RNF111: variants seen among roughly 807,000 people sequenced by gnomAD.
RNF111 encodes ring finger protein 111, also known as E3 ubiquitin-protein ligase Arkadia.
Under a neutral mutation model 95.1 loss-of-function variants are expected in RNF111, and 17 were observed. That is an observed-to-expected ratio of 0.18 (90% confidence interval 0.12 to 0.27). The LOEUF (loss-of-function observed/expected upper bound fraction) is 0.27. Among genes scored for constraint, RNF111 ranks in the 10% least tolerant of loss-of-function variants. The probability of loss-of-function intolerance (pLI) is 1.00; values close to 1 mark genes in which losing one functional copy is unlikely to be tolerated. For missense variants in RNF111, 1,189 were observed against 1,210.4 expected (o/e 0.98, Z 0.26); for synonymous variants, 440 against 414.8 (o/e 1.06, Z -0.74).
chr15:59,044,028 CT>C (rs1301004314), intron 2 of RNF111, among the ~76,000 whole-genome samples: 2 of 151,460 alleles, frequency 1.3e-5, no homozygotes, highest in Admixed American at 6.6e-5. Context: ...TGGAAACTGT[CT>C]TTTTTTTTCT....
intron 1 of RNF111, among the ~76,000 whole-genome samples, chr15:58,998,244 GTTTTT>G (rs78720477): frequency 2.1e-5 from 3 of 142,292 alleles, no homozygotes; most frequent in Non-Finnish European, 4.6e-5. Flanking sequence ...AAAATGGGAA[GTTTTT>G]TTTTTTTTTT....
intron 1 of RNF111, among the ~76,000 whole-genome samples, chr15:59,018,198 T>C (rs1482346814): frequency 6.6e-6 from 1 of 152,234 alleles, no homozygotes; most frequent in Non-Finnish European, 1.5e-5. Flanking sequence ...TAAAGATGGG[T>C]TCAAAAACAA....
intron 6 of RNF111, among the ~76,000 whole-genome samples, chr15:59,070,607 C>CTTG (rs1317864936): frequency 1.3e-5 from 2 of 152,322 alleles, no homozygotes; most frequent in Admixed American, 6.5e-5. Context: ...CAGACATATA[C>CTTG]TTGATTGTAC....
At chr15:59,018,097 A>G (rs564138902) in intron 1 of RNF111, among the ~76,000 whole-genome samples, 2 of 152,294 alleles carry the variant, frequency 1.3e-5, no homozygotes, top group East Asian at 3.9e-4. Flanking sequence ...CCATTAATGC[A>G]GCAATCATAA....
chr15:59,030,285 A>T (rs1423440124), intron 1 of RNF111, among the ~76,000 whole-genome samples: 1 of 152,212 alleles, frequency 6.6e-6, no homozygotes, highest in East Asian at 1.9e-4. Context: ...AAGGAAAAAA[A>T]ATAGAAAAGA....
intron 3 of RNF111, 137 bp downstream of exon 3, chr15:59,052,568 G>A: frequency 2.5e-6 from 1 of 407,366 alleles, no homozygotes; most frequent in Non-Finnish European, 4.0e-6. Context: ...CAGATTAGTG[G>A]ATTTTTTTTT....
At chr15:59,075,404 T>C (rs1325853689) in intron 6 of RNF111, among the ~76,000 whole-genome samples, 3 of 152,254 alleles carry the variant, frequency 2.0e-5, no homozygotes, top group Non-Finnish European at 4.4e-5. Flanking sequence ...AATTCATGAT[T>C]TAGTCTGAAA....
Position 59,013,822 on chromosome 15 carries a change from T to C in RNF111, c.-19-16982T>C, listed in dbSNP as rs567792556. The stretch of plus-strand genomic sequence containing the variant: ...TTTTTTTTGGAGACAAGAGTCTCAC[T>C]CTGTTGCCCAGGCTGGAGTATAGTG... On this transcript the variant is annotated intron_variant, in intron 1 of 13. Coordinates refer to ENST00000348370, the MANE Select transcript of RNF111 (RefSeq NM_017610.8). Among the ~76,000 whole-genome samples, 12 of 152,220 alleles carry C rather than the reference T, an allele frequency of 7.9e-5. No individual in the cohort carries two copies. The South Asian group carries it at 2.3e-3, about 29-fold the overall frequency.
chr15:59,052,657 CCTGT>C (rs1208824752), intron 3 of RNF111, among the ~76,000 whole-genome samples: 2 of 142,998 alleles, frequency 1.4e-5, no homozygotes, highest in Non-Finnish European at 3.0e-5. Context: ...AAGTGATTCT[CCTGT>C]CTCATTCTCC....
intron 2 of RNF111, 68 bp from the exon 3 acceptor site, chr15:59,052,232 CAAAAT>C: frequency 7.5e-7 from 1 of 1,334,060 alleles, no homozygotes; most frequent in South Asian, 2.0e-5. Flanking sequence ...TCTTCAAAGT[CAAAAT>C]AAAAATTTCT....
At chr15:59,071,531 A>G (rs1032537263) in intron 6 of RNF111, among the ~76,000 whole-genome samples, 1 of 152,028 alleles carries the variant, frequency 6.6e-6, no homozygotes, top group East Asian at 1.9e-4. Flanking sequence ...AAAACGAAAC[A>G]AAAAAACAAA....
intron 1 of RNF111, among the ~76,000 whole-genome samples, chr15:59,017,856 C>T (rs2040144467): frequency 1.4e-5 from 2 of 147,918 alleles, no homozygotes; most frequent in African/African-American, 2.5e-5. Context: ...TTCCTGGGTT[C>T]AAACGATTCT....
At chr15:59,050,563 A>C (rs1488735175) in intron 2 of RNF111, among the ~76,000 whole-genome samples, 1 of 152,252 alleles carries the variant, frequency 6.6e-6, no homozygotes, top group African/African-American at 2.4e-5. Flanking sequence ...AATACGTGTA[A>C]TATTTAAGAG....
At chr15:59,045,864 A>T (rs1396159159) in intron 2 of RNF111, among the ~76,000 whole-genome samples, 1 of 152,216 alleles carries the variant, frequency 6.6e-6, no homozygotes, top group Non-Finnish European at 1.5e-5. Context: ...TAATTTGGAA[A>T]TTCAATCTAC....
intron 1 of RNF111, among the ~76,000 whole-genome samples, chr15:58,990,294 T>C (rs532807682): frequency 1.3e-5 from 2 of 152,338 alleles, no homozygotes; most frequent in South Asian, 2.1e-4. Flanking sequence ...TTTGTCGTAA[T>C]TGAATCCCCA....
intron 5 of RNF111, among the ~76,000 whole-genome samples, chr15:59,066,301 T>C (rs2042652434): frequency 6.6e-6 from 1 of 152,086 alleles, no homozygotes; most frequent in South Asian, 2.1e-4. Context: ...AATCATATGA[T>C]GTATATGTTA....
chr15:59,093,614 C>T (rs1317503319), intron 13 of RNF111: 2 of 221,488 alleles, frequency 9.0e-6, no homozygotes, highest in South Asian at 4.9e-5. Context: ...ATATGTTAAC[C>T]CTATATTAAT....
At chr15:58,991,124 T>G (rs1176153586) in intron 1 of RNF111, among the ~76,000 whole-genome samples, 1 of 151,906 alleles carries the variant, frequency 6.6e-6, no homozygotes, top group Non-Finnish European at 1.5e-5. Context: ...AAACCCCGTC[T>G]GTACTAAAAA....
At chr15:59,092,467 CA>C (rs1279003752) in intron 12 of RNF111, 69 bp from the exon 13 acceptor site, 2 of 1,485,458 alleles carry the variant, frequency 1.3e-6, no homozygotes, top group African/African-American at 2.9e-5. Flanking sequence ...TTCAAATAAA[CA>C]CAGACTTTAC....
Sources: gnomAD v4.1 joint callset for allele counts (sites outside exome capture counted in the v4.1 genomes callset) on GRCh38, gnomAD v4.1.1 for gene constraint, MANE v1.5 for transcripts, NCBI Gene and HGNC (gene_info 2026-07-23, HGNC 2026-07-21) for gene names.